AFAP1: variants seen among roughly 807,000 people sequenced by gnomAD.
AFAP1 encodes the protein actin filament-associated protein 1.
AFAP1 carries 75 observed loss-of-function variants against 93.9 expected under a neutral mutation model. That is an observed-to-expected ratio of 0.80 (90% CI 0.66 to 0.97). AFAP1 has a LOEUF of 0.97. AFAP1 is among the 50% of genes least tolerant of loss of function. AFAP1 has a pLI of 0.00. For synonymous variants in AFAP1, 517 were observed against 430.7 expected, an observed-to-expected ratio of 1.20 and a Z score of -2.48; for missense variants, 1,201 against 1,050.8, an observed-to-expected ratio of 1.14 and a Z score of -1.98.
chr4:7,867,538 C>A (rs1416892725), intron 3 of AFAP1, among the ~76,000 whole-genome samples: 2 of 152,192 alleles, frequency 1.3e-5, no homozygotes, highest in African/African-American at 4.8e-5. Flanking sequence ...TGCTGCCACA[C>A]CTCTGAACTA....
intron 1 of AFAP1, among the ~76,000 whole-genome samples, chr4:7,883,685 A>C (rs914507251): frequency 1.3e-5 from 2 of 152,248 alleles, no homozygotes; most frequent in African/African-American, 4.8e-5. Flanking sequence ...AAATAGCTAG[A>C]AGATATCATG....
intron 11 of AFAP1, 50 bp from the exon 12 acceptor site, chr4:7,786,361 C>T (rs754917506): frequency 6.8e-6 from 10 of 1,469,844 alleles, no homozygotes; most frequent in South Asian, 4.6e-5. Context: ...ACCTTTTACT[C>T]CAATCAGTCA....
chr4:7,907,342 C>G (rs1416042826), intron 1 of AFAP1, among the ~76,000 whole-genome samples: 1 of 152,168 alleles, frequency 6.6e-6, no homozygotes, highest in African/African-American at 2.4e-5. Context: ...TAAATGTTGA[C>G]TAACAATTTC....
chr4:7,935,845 T>A (rs1352255206), intron 1 of AFAP1, among the ~76,000 whole-genome samples: 2 of 152,204 alleles, frequency 1.3e-5, no homozygotes, highest in East Asian at 1.9e-4. Flanking sequence ...GTGTTCTCCA[T>A]ACCCATGCAT....
chr4:7,778,381 C>A (rs1021438752), intron 14 of AFAP1: 6 of 316,042 alleles, frequency 1.9e-5, no homozygotes, highest in Non-Finnish European at 3.6e-5. Context: ...CTACGTCTGA[C>A]AGATAAAGAT....
intron 3 of AFAP1, among the ~76,000 whole-genome samples, chr4:7,867,071 GAGAA>G (rs2149172233): frequency 8.5e-6 from 1 of 117,372 alleles, no homozygotes; most frequent in African/African-American, 3.3e-5. Context: ...GGGAGGGGAG[GAGAA>G]GGGAGGGGAG....
At chr4:7,901,850 C>T (rs1328659548) in intron 1 of AFAP1, among the ~76,000 whole-genome samples, 1 of 152,178 alleles carries the variant, frequency 6.6e-6, no homozygotes, top group Admixed American at 6.5e-5. Context: ...TGGTGTTCAG[C>T]ATCATATCTA....
intron 10 of AFAP1, among the ~76,000 whole-genome samples, chr4:7,797,082 A>AATC (rs148190514): frequency 2.0e-5 from 3 of 151,536 alleles, no homozygotes; most frequent in African/African-American, 7.3e-5. Context: ...TAATAATAAT[A>AATC]ATCTATGAAT....
intron 17 of AFAP1, among the ~76,000 whole-genome samples, chr4:7,766,512 C>T (rs1714598559): frequency 6.6e-6 from 1 of 152,148 alleles, no homozygotes; most frequent in Non-Finnish European, 1.5e-5. Flanking sequence ...GTATCCTCCA[C>T]TCAACTCGGA....
chr4:7,840,416 C>A (rs143148663), intron 5 of AFAP1, among the ~76,000 whole-genome samples: 2 of 150,154 alleles, frequency 1.3e-5, no homozygotes, highest in African/African-American at 4.9e-5. Context: ...TGGGTTCAAG[C>A]GATTCTCCTG....
At chr4:7,908,894 T>C (rs1350170309) in intron 1 of AFAP1, among the ~76,000 whole-genome samples, 1 of 150,630 alleles carries the variant, frequency 6.6e-6, no homozygotes, top group Non-Finnish European at 1.5e-5. Flanking sequence ...AAGGTGCACA[T>C]AGCCACGTGC....
intron 10 of AFAP1, among the ~76,000 whole-genome samples, chr4:7,796,564 A>C (rs1205324009): frequency 6.6e-6 from 1 of 151,680 alleles, no homozygotes; most frequent in Non-Finnish European, 1.5e-5. Context: ...CCTGGCTAAC[A>C]CGGTGAAACC....
At chr4:7,857,661 G>C (rs573580984) in intron 3 of AFAP1, among the ~76,000 whole-genome samples, 2 of 152,340 alleles carry the variant, frequency 1.3e-5, no homozygotes, top group South Asian at 4.1e-4. Flanking sequence ...ATCTCTGCTG[G>C]CTGCTTTTGG....
At chr4:7,887,562 C>G (rs1718205274) in intron 1 of AFAP1, among the ~76,000 whole-genome samples, 1 of 152,108 alleles carries the variant, frequency 6.6e-6, no homozygotes, top group Non-Finnish European at 1.5e-5. Context: ...CCAATTGAGC[C>G]AAAAATAGCA....
At chr4:7,775,938 C>T (rs1294264815) in intron 14 of AFAP1, 2 of 152,212 alleles carry the variant, frequency 1.3e-5, no homozygotes, top group African/African-American at 4.8e-5. Flanking sequence ...GGCAACTTCA[C>T]ATCACCAGTG....
intron 10 of AFAP1, among the ~76,000 whole-genome samples, chr4:7,794,555 T>C (rs1242226691): frequency 6.6e-6 from 1 of 152,088 alleles, no homozygotes; most frequent in Non-Finnish European, 1.5e-5. Context: ...AGGGTCTCGC[T>C]CTGTTACCCA....
At chr4:7,870,869 A>T (rs1241523180) in intron 2 of AFAP1, among the ~76,000 whole-genome samples, 2 of 152,160 alleles carry the variant, frequency 1.3e-5, no homozygotes, top group African/African-American at 2.4e-5. Context: ...TCATATACTA[A>T]AAGAATTCAT....
At chr4:7,863,665 G>A (rs886961496) in intron 3 of AFAP1, among the ~76,000 whole-genome samples, 16 of 152,036 alleles carry the variant, frequency 1.1e-4, no homozygotes, top group African/African-American at 3.9e-4. Context: ...TTAGCCAGGT[G>A]GAAAGACGCA....
chr4:7,781,546 C>A lies in AFAP1; in HGVS notation c.1612G>T (p.Asp538Tyr). ...AAGATGTGCGGAGGCGGCAAGTTAT[C>A]GTACAGGCCTGCGTTATCATAAAGC... ...EVLYDNAGLY[D>Y]NLPPPHIFAR... The change falls in exon 13 of 18, where the codon GAT becomes TAT. Residue 538 changes from aspartate to tyrosine, a missense_variant. Coordinates refer to ENST00000420658, the MANE Select transcript of AFAP1 (RefSeq NM_001134647.2). 1 of 1,552,014 alleles carries A rather than the reference C, an allele frequency of 6.4e-7. No individual in the cohort carries two copies. The highest frequency in any genetic ancestry group is 1.2e-5 in the South Asian group (1 of 84,064).
Sources: gnomAD v4.1 joint callset for allele counts (sites outside exome capture counted in the v4.1 genomes callset) on GRCh38, gnomAD v4.1.1 for gene constraint, MANE v1.5 for transcripts, NCBI Gene and HGNC (gene_info 2026-07-23, HGNC 2026-07-21) for gene names.